The following ALG12 variants were observed in gnomAD, a reference collection of about 807,000 sequenced individuals.
ALG12 encodes ALG12 alpha-1,6-mannosyltransferase.
Under a neutral mutation model 46.0 loss-of-function variants are expected in ALG12, and 36 were observed. That is an observed-to-expected ratio of 0.78 (90% CI 0.60 to 1.03). The LOEUF is 1.03. Ranked by LOEUF, ALG12 falls within the 50% of genes least tolerant of loss-of-function variation. ALG12 has a pLI of 0.00. For missense variants in ALG12, 599 were observed against 633.5 expected, an observed-to-expected ratio of 0.95 and a Z score of 0.58; for synonymous variants, 326 against 291.6, an observed-to-expected ratio of 1.12 and a Z score of -1.20.
At position 49,903,677 on chromosome 22, in the gene ALG12, G is replaced by A. The variant is rs1422789282; in HGVS notation, c.*161C>T. On this transcript the variant is annotated 3_prime_UTR_variant, in exon 10 of 10. Transcript: ENST00000330817. ...TGCTGAGAGCCCCAGCTGAGGCTGT[G>A]GAGGAGGCCCTGGACCTGGTCTGGT... 1.2e-6 allele frequency: 1 copy of A among 830,848 alleles called. No individual in the cohort carries two copies. Among genetic ancestry groups the A allele is most frequent in the Non-Finnish European group, 2.0e-6 (1 of 501,520 alleles). The allele number at this position is 830,848 out of a possible 1,614,324, so 51.5% of individuals were successfully genotyped here. A position where few individuals can be genotyped will look rare whatever the true frequency, so the allele number is the denominator to read the frequency against.
the ALG12 span, among the ~76,000 whole-genome samples, chr22:49,891,707 T>G: frequency 1.3e-5 from 2 of 152,372 alleles, no homozygotes; most frequent in Admixed American, 1.3e-4. Flanking sequence ...AAACTGATTC[T>G]TACTGCCTCA....
chr22:49,879,310 A>G, the ALG12 span, among the ~76,000 whole-genome samples: 1 of 148,120 alleles, frequency 6.8e-6, no homozygotes, highest in Non-Finnish European at 1.5e-5. Context: ...TATTTTTAGT[A>G]GAGACCAGGT....
At chr22:49,880,291 C>A in the ALG12 span, among the ~76,000 whole-genome samples, 2 of 152,328 alleles carry the variant, frequency 1.3e-5, no homozygotes, top group East Asian at 3.9e-4. Context: ...CCTGGCAGTT[C>A]TTTTCCCCTT....
At chr22:49,896,624 T>C (rs1016653387), downstream of ALG12, among the ~76,000 whole-genome samples, 1 of 152,106 alleles carries the variant, frequency 6.6e-6, no homozygotes, top group Non-Finnish European at 1.5e-5. Flanking sequence ...TTTGTCCTCT[T>C]AATTTTTTTT....
intron 7 of ALG12, 80 bp downstream of exon 7, chr22:49,907,641 C>T (rs2060550009): frequency 2.7e-6 from 4 of 1,465,110 alleles, no homozygotes; most frequent in East Asian, 2.4e-5. Context: ...TAAACACACA[C>T]ATACATCCCC....
chr22:49,880,208 C>T, the ALG12 span, among the ~76,000 whole-genome samples: 32 of 152,076 alleles, frequency 2.1e-4, no homozygotes, highest in Non-Finnish European at 4.6e-4. Context: ...CTGTTCAGTC[C>T]GGACCCTTCT....
the ALG12 span, among the ~76,000 whole-genome samples, chr22:49,882,539 C>T: frequency 1.3e-5 from 2 of 152,230 alleles, no homozygotes; most frequent in South Asian, 4.1e-4. Flanking sequence ...ACTGCTCCAT[C>T]TCCTACCCCA....
Position 49,903,974 on chromosome 22 carries a change from T to C in ALG12, c.1331A>G (p.Tyr444Cys), listed in dbSNP as rs374858734. ...GGCCAGGACCCGGTGTGTGTCCCTGTAGAGGGCCAGGAGCCCAGGGGCCGC... is the reference window on the plus strand; with the variant it reads ...GGCCAGGACCCGGTGTGTGTCCCTGCAGAGGGCCAGGAGCCCAGGGGCCGC... The part of the protein sequence containing the change: ...MEAAPGLLAL[Y>C]RDTHRVLASV... Residue 444 changes from tyrosine to cysteine, a missense_variant, in exon 10 of 10, where the codon TAC becomes TGC. Transcript: ENST00000330817. 7.4e-5 allele frequency: 120 copies of C among 1,614,082 alleles called. No individual in the cohort carries two copies. The highest frequency in any genetic ancestry group is 9.6e-5 in the Non-Finnish European group (113 of 1,180,008).
At chr22:49,886,929 G>A in the ALG12 span, 3 of 1,614,142 alleles carry the variant, frequency 1.9e-6, no homozygotes, top group South Asian at 3.3e-5. The surrounding 1 kb of genome is among the most constrained non-coding windows in gnomAD (Gnocchi z 7.7). Context: ...TTGCGTATCT[G>A]GAGGAGGAGG....
At chr22:49,912,216 G>C (rs576039171) in intron 3 of ALG12, among the ~76,000 whole-genome samples, 26 of 151,326 alleles carry the variant, frequency 1.7e-4, no homozygotes, top group African/African-American at 6.1e-4. Flanking sequence ...TGTGGCAGGG[G>C]CTGGGGGGGG....
the ALG12 span, among the ~76,000 whole-genome samples, chr22:49,881,532 G>A: frequency 0.92 from 140,423 of 152,210 alleles, 64,877 homozygotes; most frequent in African/African-American, 0.98. Flanking sequence ...ATACAGGCAC[G>A]CACCACCGCA....
At chr22:49,875,513 C>T in the ALG12 span, among the ~76,000 whole-genome samples, 365 of 151,982 alleles carry the variant, frequency 2.4e-3, 14 homozygotes, top group East Asian at 0.052. Flanking sequence ...CTCCACCTCC[C>T]GGGTTCCAGG....
At chr22:49,893,659 A>G in the ALG12 span, among the ~76,000 whole-genome samples, 7 of 152,348 alleles carry the variant, frequency 4.6e-5, no homozygotes, top group South Asian at 1.4e-3. Flanking sequence ...TCCTGGAGGG[A>G]ATTCTCCAGG....
chr22:49,882,820 C>T, the ALG12 span, among the ~76,000 whole-genome samples: 1,119 of 152,318 alleles, frequency 7.3e-3, 18 homozygotes, highest in African/African-American at 0.025. Context: ...ACCCACAGGA[C>T]GCCTTTCCCT....
chr22:49,865,265 AT>A, the ALG12 span, among the ~76,000 whole-genome samples: 464 of 152,156 alleles, frequency 3.0e-3, 4 homozygotes, highest in Non-Finnish European at 4.5e-3. Flanking sequence ...CAGTAAACAG[AT>A]GGTGTCGTTA....
At chr22:49,917,496 C>T (rs946531501) in intron 1 of ALG12, among the ~76,000 whole-genome samples, 26 of 152,216 alleles carry the variant, frequency 1.7e-4, no homozygotes, top group African/African-American at 6.0e-4. Flanking sequence ...CATGGTGAAA[C>T]CCCGTCTCTA....
At chr22:49,882,954 G>A in the ALG12 span, among the ~76,000 whole-genome samples, 2 of 152,208 alleles carry the variant, frequency 1.3e-5, no homozygotes, top group Non-Finnish European at 2.9e-5. Flanking sequence ...TAGCAAGGAA[G>A]GATGAATAGA....
chr22:49,883,660 G>A, the ALG12 span: 1 of 1,569,588 alleles, frequency 6.4e-7, no homozygotes, highest in Non-Finnish European at 8.7e-7. Flanking sequence ...GTTATGGTCA[G>A]TCATGGAGAA....
At chr22:49,885,272 A>G in the ALG12 span, 2 of 1,596,814 alleles carry the variant, frequency 1.3e-6, no homozygotes, top group South Asian at 1.1e-5. Flanking sequence ...TCCTCTTCCA[A>G]ATTGACTGAC....
Sources: gnomAD v4.1 joint callset for allele counts (sites outside exome capture counted in the v4.1 genomes callset) on GRCh38, gnomAD v4.1.1 for gene constraint, Gnocchi (gnomAD v3.1) non-coding constraint, MANE v1.5 for transcripts, NCBI Gene and HGNC (gene_info 2026-07-23, HGNC 2026-07-21) for gene names.